The following NALF1 variants were observed in gnomAD, a reference collection of about 807,000 sequenced individuals.
The protein encoded by NALF1 is NALCN channel auxiliary factor 1, also known as family with sequence similarity 155 member A.
NALF1 carries 3 observed loss-of-function variants against 48.4 expected under a neutral mutation model. The observed-to-expected ratio is 0.06, with a 90% CI of 0.03 to 0.16. The LOEUF (loss-of-function observed/expected upper bound fraction) is 0.16, where lower values mean the gene tolerates loss of function less well. Among genes scored for constraint, NALF1 ranks in the 10% least tolerant of loss-of-function variants. The pLI, the probability that NALF1 is intolerant of heterozygous loss-of-function variation, is 1.00. For synonymous variants in NALF1, 262 were observed against 245.7 expected (o/e 1.07, Z -0.62); for missense variants, 526 against 571.5 (o/e 0.92, Z 0.81).
At chr13:107,238,085 C>T (rs1356419329) in intron 1 of NALF1, among the ~76,000 whole-genome samples, 1 of 152,100 alleles carries the variant, frequency 6.6e-6, no homozygotes, top group African/African-American at 2.4e-5. Flanking sequence ...ACAAGCTAAC[C>T]GTTTAAAATA....
At chr13:107,807,141 A>G (rs1306926129) in intron 1 of NALF1, among the ~76,000 whole-genome samples, 1 of 152,104 alleles carries the variant, frequency 6.6e-6, no homozygotes, top group Admixed American at 6.6e-5. Flanking sequence ...AAATTCAACT[A>G]TAAAATATTC....
At chr13:107,492,358 T>G (rs1875167337) in intron 1 of NALF1, among the ~76,000 whole-genome samples, 2 of 152,086 alleles carry the variant, frequency 1.3e-5, no homozygotes, top group South Asian at 4.1e-4. Context: ...CACAAGCCTG[T>G]CTTAAACTTA....
At chr13:107,393,438 G>A (rs1293966774) in intron 1 of NALF1, among the ~76,000 whole-genome samples, 1 of 152,050 alleles carries the variant, frequency 6.6e-6, no homozygotes. Context: ...GCAAGCAGTG[G>A]GGAAATAAAG....
chr13:107,739,339 T>TA (rs1876561198), intron 1 of NALF1, among the ~76,000 whole-genome samples: 1 of 148,734 alleles, frequency 6.7e-6, no homozygotes, highest in Non-Finnish European at 1.5e-5. Context: ...AATATATATA[T>TA]TTTTCATATT....
chr13:107,345,023 T>C (rs1211124228), intron 1 of NALF1, among the ~76,000 whole-genome samples: 1 of 152,030 alleles, frequency 6.6e-6, no homozygotes, highest in Non-Finnish European at 1.5e-5. Flanking sequence ...ATCAGTTGTG[T>C]TTCTATGTGC....
At chr13:107,339,571 A>G (rs1346129335) in intron 1 of NALF1, among the ~76,000 whole-genome samples, 4 of 152,208 alleles carry the variant, frequency 2.6e-5, no homozygotes, top group African/African-American at 9.6e-5. Flanking sequence ...CTGTTGTACA[A>G]AAACCATACC....
At chr13:107,442,665 T>G (rs938842966) in intron 1 of NALF1, among the ~76,000 whole-genome samples, 35 of 152,314 alleles carry the variant, frequency 2.3e-4, no homozygotes, top group Admixed American at 3.9e-4. Context: ...AATTATCAAT[T>G]TTTTAAAAAC....
chr13:107,364,588 A>G (rs972457400), intron 1 of NALF1, among the ~76,000 whole-genome samples: 1 of 152,228 alleles, frequency 6.6e-6, no homozygotes, highest in Admixed American at 6.5e-5. Context: ...CTCAGCACCC[A>G]GTGCAGTGAC....
Position 107,442,413 on chromosome 13 carries a change from C to T in NALF1, c.916-231658G>A, listed in dbSNP as rs138712805. On this transcript the variant is annotated intron_variant, in intron 1 of 2. Transcript: ENST00000375915. The stretch of plus-strand genomic sequence containing the variant: ...AGACCAGCTTTGCCAATTCACTTGG[C>T]TCTCTTGTTGTCTGTGTACCCCTAG... Among the ~76,000 whole-genome samples the T allele has an allele frequency of 2.7e-3, 406 of 152,292 alleles. 5 individuals carry two copies. Among genetic ancestry groups the T allele is most frequent in the African/African-American group, 8.5e-3 (353 of 41,566 alleles).
intron 1 of NALF1, among the ~76,000 whole-genome samples, chr13:107,857,042 C>T (rs1407101145): frequency 2.0e-5 from 3 of 152,202 alleles, no homozygotes; most frequent in Admixed American, 6.5e-5. Context: ...TTCCACAGGA[C>T]AATTTTCGTC....
chr13:107,354,086 ATTC>A (rs547026280), intron 1 of NALF1, among the ~76,000 whole-genome samples: 118 of 152,306 alleles, frequency 7.7e-4, no homozygotes, highest in African/African-American at 2.7e-3. Context: ...CAAAGCCCTA[ATTC>A]TTCAACTACA....
chr13:107,669,937 C>T (rs370268483), intron 1 of NALF1, among the ~76,000 whole-genome samples: 7 of 151,982 alleles, frequency 4.6e-5, no homozygotes, highest in East Asian at 1.9e-4. Flanking sequence ...TATGAAAGCT[C>T]GACTCAACCG....
intron 1 of NALF1, among the ~76,000 whole-genome samples, chr13:107,570,988 T>C (rs1877971777): frequency 6.6e-6 from 1 of 152,204 alleles, no homozygotes; most frequent in East Asian, 1.9e-4. Flanking sequence ...TGAATTGCTA[T>C]GGCAACACAA....
At chr13:107,738,346 T>C (rs1195902255) in intron 1 of NALF1, among the ~76,000 whole-genome samples, 1 of 152,192 alleles carries the variant, frequency 6.6e-6, no homozygotes, top group Non-Finnish European at 1.5e-5. Context: ...CATTTACGCA[T>C]TCTGTGGACT....
At chr13:107,174,644 C>T (rs983990131) in intron 2 of NALF1, among the ~76,000 whole-genome samples, 1 of 152,000 alleles carries the variant, frequency 6.6e-6, no homozygotes, top group Admixed American at 6.6e-5. Context: ...CTTGAGCCAC[C>T]GTGCCCGGCC....
chr13:107,566,390 G>A (rs1877810933), intron 1 of NALF1, among the ~76,000 whole-genome samples: 1 of 152,192 alleles, frequency 6.6e-6, no homozygotes, highest in Admixed American at 6.5e-5. Context: ...TCTCTGAAAT[G>A]TAATGACTGT....
chr13:107,801,485 G>A (rs139252406), intron 1 of NALF1, among the ~76,000 whole-genome samples: 112 of 152,290 alleles, frequency 7.4e-4, no homozygotes, highest in African/African-American at 2.6e-3. Context: ...TCTTATATAT[G>A]AGAAATTTCA....
At chr13:107,719,925 C>G (rs1875934021) in intron 1 of NALF1, among the ~76,000 whole-genome samples, 1 of 152,046 alleles carries the variant, frequency 6.6e-6, no homozygotes, top group Non-Finnish European at 1.5e-5. Context: ...TCATATTTCT[C>G]TCTTCTTCCT....
intron 1 of NALF1, among the ~76,000 whole-genome samples, chr13:107,779,821 C>T (rs1372784173): frequency 6.6e-6 from 1 of 152,144 alleles, no homozygotes; most frequent in African/African-American, 2.4e-5. Context: ...CATATTTTTA[C>T]TTATTGAATA....
Sources: gnomAD v4.1 joint callset for allele counts (sites outside exome capture counted in the v4.1 genomes callset) on GRCh38, gnomAD v4.1.1 for gene constraint, MANE v1.5 for transcripts, NCBI Gene and HGNC (gene_info 2026-07-23, HGNC 2026-07-21) for gene names.